The following MAD1L1 variants were observed in gnomAD, a reference collection of about 807,000 sequenced individuals.
MAD1L1 encodes mitotic spindle assembly checkpoint protein MAD1.
Under a neutral mutation model 96.9 loss-of-function variants are expected in MAD1L1, and 95 were observed. That is an observed-to-expected ratio of 0.98 (90% confidence interval 0.83 to 1.16). The LOEUF is 1.16. Among genes scored for constraint, MAD1L1 ranks in the 50% most tolerant of loss-of-function variants. The pLI is 0.00. For missense variants in MAD1L1, 1,007 were observed against 954.4 expected (o/e 1.06, Z -0.73); for synonymous variants, 473 against 396.6 (o/e 1.19, Z -2.29).
intron 10 of MAD1L1, among the ~76,000 whole-genome samples, chr7:2,169,690 A>AGG (rs1790612567): frequency 6.6e-6 from 1 of 151,358 alleles, no homozygotes; most frequent in Admixed American, 6.6e-5. Flanking sequence ...AAAGACCCAC[A>AGG]GGGGGCACAT....
intron 17 of MAD1L1, among the ~76,000 whole-genome samples, chr7:1,920,483 G>A (rs1010288170): frequency 3.3e-5 from 5 of 152,190 alleles, no homozygotes; most frequent in African/African-American, 1.2e-4. Context: ...AGGAAGACCC[G>A]CTGCACGCTC....
rs375990524 is a variant in MAD1L1 at position 2,072,633 on chromosome 7, G to A, written c.1074-3295C>T. On this transcript the variant is annotated intron_variant, in intron 11 of 18. Coordinates refer to ENST00000265854, the MANE Select transcript of MAD1L1 (RefSeq NM_001013836.2). ...CACAAGTGCTTTAAATCACGGCTCC[G>A]TGTGGTCATTTAACTAGAAGAACGC... is the stretch of plus-strand genomic sequence containing the variant. Among the ~76,000 whole-genome samples, 7 of 152,240 alleles carry A rather than the reference G, an allele frequency of 4.6e-5. No homozygotes were observed. The East Asian group carries it at 9.6e-4, about 21-fold the overall frequency.
At chr7:2,049,411 C>A (rs773452757) in intron 12 of MAD1L1, among the ~76,000 whole-genome samples, 1 of 152,232 alleles carries the variant, frequency 6.6e-6, no homozygotes, top group Non-Finnish European at 1.5e-5. Context: ...GACTCGGAGC[C>A]GACTCAGTAG....
chr7:2,014,513 C>T lies in MAD1L1; in HGVS notation c.1348G>A (p.Ala450Thr), dbSNP rs774641951. ...CCGCGGCCCCTCACCTCCATCTCGG[C>T]GCTGTGGCTGTGCACCTTCTGCACC... ...DMVQKVHSHS[A>T]EMEAQLSQAL... The change falls in exon 13 of 19, where the codon GCC becomes ACC. Residue 450 changes from alanine to threonine, a missense_variant. Transcript: ENST00000265854. 1.1e-5 allele frequency: 18 copies of T among 1,594,502 alleles called. No homozygotes were observed. Among genetic ancestry groups the T allele is most frequent in the South Asian group, 7.8e-5 (7 of 89,294 alleles).
At chr7:1,925,376 C>T (rs974130276) in intron 17 of MAD1L1, among the ~76,000 whole-genome samples, 3 of 152,192 alleles carry the variant, frequency 2.0e-5, no homozygotes, top group Non-Finnish European at 4.4e-5. Context: ...AGTCTATTGG[C>T]GGCGCTATCA....
intron 17 of MAD1L1, among the ~76,000 whole-genome samples, chr7:1,923,462 C>A (rs113532303): frequency 1.1e-4 from 11 of 97,238 alleles, no homozygotes; most frequent in South Asian, 4.6e-4. Context: ...CACCCTGGCA[C>A]CCCCGCGCTC....
chr7:2,086,419 G>T (rs1785920803), intron 11 of MAD1L1, among the ~76,000 whole-genome samples: 1 of 152,220 alleles, frequency 6.6e-6, no homozygotes, highest in African/African-American at 2.4e-5. Flanking sequence ...CTCCAGACAG[G>T]TCAGTCAGTC....
intron 18 of MAD1L1, among the ~76,000 whole-genome samples, chr7:1,871,373 AC>A (rs1785084869): frequency 6.9e-6 from 1 of 144,504 alleles, no homozygotes; most frequent in African/African-American, 2.6e-5. Flanking sequence ...TATGCCTGCC[AC>A]GCTGAACCCA....
intron 18 of MAD1L1, chr7:1,845,507 C>G (rs909627745): frequency 2.9e-5 from 2 of 70,028 alleles, no homozygotes; most frequent in African/African-American, 1.1e-4. Context: ...TGGGGAAGAG[C>G]TCTGTTTAGG....
In MAD1L1 at chr7:1,870,088, A is replaced by G. The variant is rs116775538; in HGVS notation, c.1998+28112T>C. On this transcript the variant is annotated intron_variant, in intron 18 of 18. Coordinates refer to ENST00000265854, the MANE Select transcript of MAD1L1 (RefSeq NM_001013836.2). ...CCTGACCTTGAACCGAGACAGGGAG[A>G]GTGACTGACCCCAGATGCGAGCCGC... 9.6e-3 allele frequency among the ~76,000 whole-genome samples: 1,462 copies of G among 152,150 alleles called. 20 individuals carry two copies. The highest frequency in any genetic ancestry group is 0.034 in the African/African-American group (1,410 of 41,492).
chr7:1,863,169 G>A (rs1784611977), intron 18 of MAD1L1, among the ~76,000 whole-genome samples: 3 of 152,270 alleles, frequency 2.0e-5, no homozygotes, highest in South Asian at 2.1e-4. Flanking sequence ...CGAGGAGGCC[G>A]CCTCAGCACG....
intron 14 of MAD1L1, among the ~76,000 whole-genome samples, chr7:1,983,123 C>T (rs1417623763): frequency 2.7e-5 from 4 of 148,272 alleles, no homozygotes; most frequent in African/African-American, 5.0e-5. Flanking sequence ...CACGCACACA[C>T]ACCCACAGAC....
chr7:2,026,169 AC>A (rs1782987748), intron 12 of MAD1L1, among the ~76,000 whole-genome samples: 1 of 152,192 alleles, frequency 6.6e-6, no homozygotes, highest in African/African-American at 2.4e-5. Flanking sequence ...AAGCTGACAT[AC>A]CCGTATTAAT....
chr7:2,170,564 C>A (rs1489158237), intron 10 of MAD1L1, among the ~76,000 whole-genome samples: 1 of 152,128 alleles, frequency 6.6e-6, no homozygotes, highest in Non-Finnish European at 1.5e-5. Flanking sequence ...ATCGTGACAT[C>A]GGCAGGGACA....
At chr7:1,957,479 G>A in intron 16 of MAD1L1, 150 bp downstream of exon 16, 1 of 781,436 alleles carries the variant, frequency 1.3e-6, no homozygotes, top group Non-Finnish European at 2.0e-6. Flanking sequence ...CTCCCTGCCA[G>A]GCAAGGGGGT....
intron 16 of MAD1L1, among the ~76,000 whole-genome samples, chr7:1,939,100 C>T (rs1434070751): frequency 5.0e-5 from 6 of 119,566 alleles, no homozygotes; most frequent in East Asian, 2.8e-4. Context: ...CACACACACA[C>T]GGGCCAGGGC....
At chr7:1,915,771 G>A (rs976456506) in intron 17 of MAD1L1, among the ~76,000 whole-genome samples, 4 of 152,238 alleles carry the variant, frequency 2.6e-5, no homozygotes, top group African/African-American at 4.8e-5. Context: ...CGGAGACAGT[G>A]AGATGTGGAC....
At position 1,896,433 on chromosome 7, in the gene MAD1L1, T is replaced by C. The variant is rs116015174; in HGVS notation, c.1998+1767A>G. ...CTGGTGTCCAGCAAACCTGAGGACA[T>C]TGGGCAGGGCTGCGCTTCAGAAGCC... On this transcript the variant is annotated intron_variant, in intron 18 of 18. Coordinates refer to ENST00000265854, the MANE Select transcript of MAD1L1 (RefSeq NM_001013836.2). 9.5e-3 allele frequency among the ~76,000 whole-genome samples: 1,438 copies of C among 152,052 alleles called. 20 individuals are homozygous for C. The highest frequency in any genetic ancestry group is 0.032 in the African/African-American group (1,337 of 41,456).
intron 18 of MAD1L1, among the ~76,000 whole-genome samples, chr7:1,840,013 C>T (rs1317249565): frequency 6.6e-6 from 1 of 152,264 alleles, no homozygotes; most frequent in African/African-American, 2.4e-5. Context: ...CATCCAGCAC[C>T]TGCAGCGGGG....
Sources: allele counts gnomAD v4.1 joint callset (sites outside exome capture counted in the v4.1 genomes callset), GRCh38; gene constraint gnomAD v4.1.1; transcripts MANE v1.5; gene names NCBI Gene and HGNC (gene_info 2026-07-23, HGNC 2026-07-21).